Variants in WDPCP observed in about 807,000 individuals in gnomAD.
WDPCP encodes WD repeat-containing and planar cell polarity effector protein fritz homolog.
Under a neutral mutation model 93.1 loss-of-function variants are expected in WDPCP, and 71 were observed. The observed-to-expected ratio is 0.76, with a 90% confidence interval of 0.63 to 0.93. The LOEUF (loss-of-function observed/expected upper bound fraction) is 0.93. Among genes scored for constraint, WDPCP ranks in the 40% least tolerant of loss-of-function variants. The pLI, the probability that WDPCP is intolerant of heterozygous loss-of-function variation, is 0.00. For synonymous variants in WDPCP, 315 were observed against 315.0 expected, an observed-to-expected ratio of 1.00 and a Z score of 0.00; for missense variants, 844 against 887.4, an observed-to-expected ratio of 0.95 and a Z score of 0.62.
chr2:63,698,912 A>T (rs760328787), intron 2 of WDPCP, among the ~76,000 whole-genome samples: 2 of 152,192 alleles, frequency 1.3e-5, no homozygotes, highest in African/African-American at 2.4e-5. Context: ...TATACTCAGT[A>T]TCTCCCTGGA....
intron 13 of WDPCP, among the ~76,000 whole-genome samples, chr2:63,303,777 C>T (rs1317612311): frequency 6.6e-6 from 1 of 151,934 alleles, no homozygotes; most frequent in Non-Finnish European, 1.5e-5. Flanking sequence ...TGGTAAACAA[C>T]CCAGCAAGAG....
At chr2:63,577,017 A>T (rs1450392533) in intron 1 of WDPCP, among the ~76,000 whole-genome samples, 1 of 152,210 alleles carries the variant, frequency 6.6e-6, no homozygotes, top group Non-Finnish European at 1.5e-5. Flanking sequence ...TTCTGAATGT[A>T]ATTTCAAATA....
At chr2:63,704,842 T>C (rs1669122279) in intron 2 of WDPCP, among the ~76,000 whole-genome samples, 1 of 152,238 alleles carries the variant, frequency 6.6e-6, no homozygotes, top group Non-Finnish European at 1.5e-5. Context: ...TTCCTCTTTT[T>C]CTATTGATTG....
At chr2:63,181,966 AGTTT>A (rs1185351997) in intron 14 of WDPCP, among the ~76,000 whole-genome samples, 2 of 151,768 alleles carry the variant, frequency 1.3e-5, no homozygotes, top group East Asian at 3.9e-4. Context: ...TTTGGTTCTC[AGTTT>A]GTTGTTGATG....
chr2:63,496,854 G>C (rs1701249130), intron 1 of WDPCP, among the ~76,000 whole-genome samples: 1 of 152,090 alleles, frequency 6.6e-6, no homozygotes, highest in Non-Finnish European at 1.5e-5. Flanking sequence ...GCTCACACCT[G>C]TAATCCCAGC....
rs973830159 is a variant in WDPCP, at chr2:63,120,368, AC to A, written c.*1637del. On this transcript the variant is annotated 3_prime_UTR_variant, in exon 18 of 18. Transcript: ENST00000272321. ...TTTGAGTTTCACCTTTTTTTGTCAT[AC>A]CCTCTGGTAGAGGTACAGATAAATG... Among the ~76,000 whole-genome samples, 35 of 152,046 alleles carry A rather than the reference AC, an allele frequency of 2.3e-4. No homozygotes were observed. The highest frequency in any genetic ancestry group is 8.2e-4 in the African/African-American group (34 of 41,392).
intron 1 of WDPCP, among the ~76,000 whole-genome samples, chr2:63,535,301 G>T (rs1413454906): frequency 6.6e-6 from 1 of 152,176 alleles, no homozygotes; most frequent in Admixed American, 6.5e-5. Context: ...GTAATTTATA[G>T]ATTCAATGCC....
intron 6 of WDPCP, among the ~76,000 whole-genome samples, chr2:63,461,502 C>A (rs1327463568): frequency 6.6e-6 from 1 of 152,126 alleles, no homozygotes; most frequent in East Asian, 1.9e-4. Flanking sequence ...GCCTGCATAA[C>A]CACGAGCCAA....
intron 10 of WDPCP, among the ~76,000 whole-genome samples, chr2:63,403,436 A>T (rs1349695828): frequency 6.6e-6 from 1 of 152,164 alleles, no homozygotes. Flanking sequence ...AGTTAAAAAA[A>T]ATTCTCTTGG....
In WDPCP at chr2:63,561,761, T is replaced by C. The variant is rs567250377; in HGVS notation, c.75+26436A>G. Among the ~76,000 whole-genome samples, 6 of 152,072 alleles carry C rather than the reference T, an allele frequency of 3.9e-5. 1 individual carries two copies. The East Asian group carries it at 1.2e-3, about 30-fold the overall frequency. On this transcript the variant is annotated intron_variant, in intron 1 of 17. Transcript: ENST00000272321. ...AGGACATTTATGCAGCCAACAAACA[T>C]GTGAACAAAAGCTAGACATCACTAA...
At chr2:63,688,381 C>T (rs1391684214) in intron 2 of WDPCP, among the ~76,000 whole-genome samples, 3 of 151,144 alleles carry the variant, frequency 2.0e-5, no homozygotes, top group Non-Finnish European at 2.9e-5. Context: ...GAGCCGAGAT[C>T]GCTCCACTGT....
At chr2:63,690,386 G>A (rs1668872934) in intron 2 of WDPCP, among the ~76,000 whole-genome samples, 1 of 152,152 alleles carries the variant, frequency 6.6e-6, no homozygotes, top group Admixed American at 6.6e-5. Flanking sequence ...TCCTGATTCT[G>A]TGCTTTTTTC....
chr2:63,388,072 C>T (rs538715287), intron 10 of WDPCP, among the ~76,000 whole-genome samples: 91 of 152,190 alleles, frequency 6.0e-4, no homozygotes, highest in Non-Finnish European at 1.1e-3. Flanking sequence ...AGATCCAGTG[C>T]TATTCCTATC....
upstream of WDPCP, chr2:63,588,795 G>T: frequency 1.8e-6 from 1 of 555,792 alleles, no homozygotes; most frequent in East Asian, 3.2e-5. Flanking sequence ...GGCGCAGAGC[G>T]CAGTGAGAAG....
At chr2:63,622,499 T>C in intron 3 of WDPCP, 1 of 1,613,862 alleles carries the variant, frequency 6.2e-7, no homozygotes, top group Non-Finnish European at 8.5e-7. Flanking sequence ...AGTAAACACA[T>C]CGTTCCTCCA....
At chr2:63,208,880 C>T (rs560456591) in intron 14 of WDPCP, among the ~76,000 whole-genome samples, 1 of 152,194 alleles carries the variant, frequency 6.6e-6, no homozygotes, top group Non-Finnish European at 1.5e-5. Flanking sequence ...GGTTTATACC[C>T]TCCCTGAGCT....
intron 2 of WDPCP, among the ~76,000 whole-genome samples, chr2:63,771,586 C>T (rs1466255167): frequency 6.6e-6 from 1 of 151,682 alleles, no homozygotes; most frequent in Non-Finnish European, 1.5e-5. Flanking sequence ...AGTACATGTG[C>T]AGGTCTGGGT....
chr2:63,756,854 G>A (rs1669976142), intron 2 of WDPCP, among the ~76,000 whole-genome samples: 1 of 152,140 alleles, frequency 6.6e-6, no homozygotes, highest in Non-Finnish European at 1.5e-5. Flanking sequence ...AATTCAGACA[G>A]AGAAGTCAAG....
intron 13 of WDPCP, among the ~76,000 whole-genome samples, chr2:63,275,787 C>G (rs1683039142): frequency 6.6e-6 from 1 of 152,116 alleles, no homozygotes; most frequent in African/African-American, 2.4e-5. Context: ...AAGATTTAAT[C>G]TCATTAAAAT....
Sources: allele counts gnomAD v4.1 joint callset (sites outside exome capture counted in the v4.1 genomes callset), GRCh38; gene constraint gnomAD v4.1.1; transcripts MANE v1.5; gene names NCBI Gene and HGNC (gene_info 2026-07-23, HGNC 2026-07-21).